The following CSTPP1 variants were observed in gnomAD, a reference collection of about 807,000 sequenced individuals.
CSTPP1 encodes centriolar satellite-associated tubulin polyglutamylase complex regulator 1.
the CSTPP1 span, among the ~76,000 whole-genome samples, chr11:47,032,242 AAATT>A: frequency 6.6e-5 from 10 of 152,216 alleles, no homozygotes; most frequent in Admixed American, 1.3e-4. Flanking sequence ...TGTCAAAACT[AAATT>A]AAGAGAGATT....
At chr11:47,081,318 AAAT>A in the CSTPP1 span, among the ~76,000 whole-genome samples, 10 of 152,316 alleles carry the variant, frequency 6.6e-5, no homozygotes, top group Non-Finnish European at 2.9e-5. Flanking sequence ...GAAAGAAAAG[AAAT>A]AATGAGATAC....
At chr11:46,970,409 T>G in the CSTPP1 span, among the ~76,000 whole-genome samples, 14 of 149,604 alleles carry the variant, frequency 9.4e-5, no homozygotes, top group African/African-American at 3.5e-4. Flanking sequence ...TAATAATAAA[T>G]AAATAAATAA....
At chr11:47,044,413 A>G in the CSTPP1 span, among the ~76,000 whole-genome samples, 15 of 151,698 alleles carry the variant, frequency 9.9e-5, no homozygotes, top group East Asian at 1.4e-3. Context: ...ATCTCACATT[A>G]TTGCCCAGGC....
chr11:46,975,294 T>C, the CSTPP1 span, among the ~76,000 whole-genome samples: 2 of 152,118 alleles, frequency 1.3e-5, no homozygotes, highest in Non-Finnish European at 1.5e-5. Flanking sequence ...TTTTAAAAGT[T>C]AGAAAATATA....
chr11:47,040,209 C>G, the CSTPP1 span, among the ~76,000 whole-genome samples: 1 of 128,734 alleles, frequency 7.8e-6, no homozygotes, highest in Non-Finnish European at 1.8e-5. Context: ...GGGGCATAAC[C>G]TGAATTGAAT....
the CSTPP1 span, among the ~76,000 whole-genome samples, chr11:46,995,280 G>A: frequency 6.6e-6 from 1 of 152,096 alleles, no homozygotes; most frequent in African/African-American, 2.4e-5. Context: ...ATCTCCTTCA[G>A]TTCTGCTCTG....
At chr11:47,052,239 A>C in the CSTPP1 span, 1 of 984,810 alleles carries the variant, frequency 1.0e-6, no homozygotes, top group Non-Finnish European at 1.5e-6. Context: ...TCCCCATAGA[A>C]GGACTAGGTC....
chr11:47,074,134 G>A, the CSTPP1 span, among the ~76,000 whole-genome samples: 1 of 152,122 alleles, frequency 6.6e-6, no homozygotes, highest in Admixed American at 6.5e-5. Context: ...AACTCGGGAG[G>A]CAGTGGTTGC....
the CSTPP1 span, among the ~76,000 whole-genome samples, chr11:46,986,459 T>C: frequency 4.6e-5 from 7 of 151,816 alleles, no homozygotes; most frequent in Non-Finnish European, 1.0e-4. Context: ...TTAACTGAGT[T>C]TTCTTTTTTT....
At chr11:46,985,986 A>C in the CSTPP1 span, among the ~76,000 whole-genome samples, 1 of 152,198 alleles carries the variant, frequency 6.6e-6, no homozygotes, top group Non-Finnish European at 1.5e-5. Flanking sequence ...GTACTTGTTA[A>C]AAATTACTGG....
At chr11:47,164,070 G>A in the CSTPP1 span, 1 of 1,594,064 alleles carries the variant, frequency 6.3e-7, no homozygotes, top group Non-Finnish European at 8.6e-7. Context: ...ACTAATGCCA[G>A]CTCTTTCCTC....
At chr11:47,050,647 T>A in the CSTPP1 span, among the ~76,000 whole-genome samples, 1 of 152,232 alleles carries the variant, frequency 6.6e-6, no homozygotes, top group African/African-American at 2.4e-5. Flanking sequence ...TTGGGACTAC[T>A]TCTTTGCTGG....
the CSTPP1 span, among the ~76,000 whole-genome samples, chr11:46,969,286 G>A: frequency 6.6e-6 from 1 of 152,106 alleles, no homozygotes; most frequent in African/African-American, 2.4e-5. Context: ...TGGACATTGT[G>A]TATTGAGTTT....
chr11:47,133,894 A>G, the CSTPP1 span, among the ~76,000 whole-genome samples: 1 of 152,270 alleles, frequency 6.6e-6, no homozygotes, highest in Non-Finnish European at 1.5e-5. Flanking sequence ...GTGAGGTGAC[A>G]TATGTAAACC....
the CSTPP1 span, among the ~76,000 whole-genome samples, chr11:47,156,188 G>C: frequency 6.6e-6 from 1 of 152,186 alleles, no homozygotes; most frequent in Non-Finnish European, 1.5e-5. Context: ...CTGGGGTCTC[G>C]CCACCTGCTC....
the CSTPP1 span, among the ~76,000 whole-genome samples, chr11:46,986,481 A>G: frequency 3.3e-5 from 5 of 150,796 alleles, no homozygotes; most frequent in Admixed American, 6.6e-5. Flanking sequence ...CTGTTCTGAA[A>G]TGAAGTCTGG....
the CSTPP1 span, among the ~76,000 whole-genome samples, chr11:47,129,488 C>G: frequency 6.6e-6 from 1 of 152,166 alleles, no homozygotes; most frequent in African/African-American, 2.4e-5. Context: ...GGCTGCCCAC[C>G]CTCGCCATAT....
At chr11:46,983,649 A>G in the CSTPP1 span, among the ~76,000 whole-genome samples, 1 of 152,216 alleles carries the variant, frequency 6.6e-6, no homozygotes, top group Admixed American at 6.5e-5. Context: ...TGCATTAAAA[A>G]AAATGTAAAA....
the CSTPP1 span, among the ~76,000 whole-genome samples, chr11:47,114,040 G>T: frequency 6.6e-6 from 1 of 152,080 alleles, no homozygotes. Context: ...TGTAAGGAAG[G>T]GATCCAATTT....
Sources: allele counts gnomAD v4.1 joint callset (sites outside exome capture counted in the v4.1 genomes callset), GRCh38; gene constraint gnomAD v4.1.1; transcripts MANE v1.5; gene names NCBI Gene and HGNC (gene_info 2026-07-23, HGNC 2026-07-21).